UBA6: variants seen among roughly 807,000 people sequenced by gnomAD.
UBA6 encodes ubiquitin like modifier activating enzyme 6, also known as ubiquitin-like modifier-activating enzyme 6.
Under a neutral mutation model 148.3 loss-of-function variants are expected in UBA6, and 87 were observed. The ratio of observed to expected loss-of-function variants is 0.59; its 90% CI spans 0.49 to 0.70. UBA6 has a LOEUF of 0.70. Among genes scored for constraint, UBA6 ranks in the 30% least tolerant of loss-of-function variants. The probability of loss-of-function intolerance (pLI) is 0.00; values close to 1 mark genes in which losing one functional copy is unlikely to be tolerated. For synonymous variants in UBA6, 376 were observed against 401.0 expected (o/e 0.94, Z 0.75); for missense variants, 1,186 against 1,241.2 (o/e 0.96, Z 0.67).
intron 17 of UBA6, among the ~76,000 whole-genome samples, chr4:67,642,248 C>G (rs902943315): frequency 5.9e-5 from 9 of 152,058 alleles, no homozygotes; most frequent in Non-Finnish European, 1.3e-4. Context: ...ACTCCCCAAA[C>G]TGGTTTAGAA....
At chr4:67,649,311 A>G in intron 13 of UBA6, 100 bp from the exon 14 acceptor site, 3 of 1,211,216 alleles carry the variant, frequency 2.5e-6, no homozygotes, top group Non-Finnish European at 3.4e-6. Context: ...TAACTTCTAA[A>G]AAAGCTATTC....
chr4:67,622,310 C>G (rs1728769426), intron 32 of UBA6, among the ~76,000 whole-genome samples: 1 of 152,194 alleles, frequency 6.6e-6, no homozygotes, highest in South Asian at 2.1e-4. Flanking sequence ...TATAGCAACT[C>G]AACACCCCCA....
chr4:67,696,652 A>G lies in UBA6; in HGVS notation c.127T>C (p.Leu43=). 1 of 1,607,446 alleles carries G rather than the reference A, an allele frequency of 6.2e-7. No homozygotes were observed. The highest frequency in any genetic ancestry group is 8.5e-7 in the Non-Finnish European group (1 of 1,176,688). ...TTTCTATGAGATTCTTACCTATACA[A>G]TGCATCATCGATTTCCACAGATGCT... ...STASVEIDDA[L]YSRQRYVLGD... Residue 43 remains leucine, a synonymous_variant, in exon 2 of 33, where the codon TTG becomes CTG. Transcript: ENST00000322244.
At chr4:67,670,658 G>C in intron 7 of UBA6, 66 bp from the exon 8 acceptor site, 1 of 1,216,308 alleles carries the variant, frequency 8.2e-7, no homozygotes. Context: ...AGTATCTTAG[G>C]CCATTTCATA....
chr4:67,673,787 AAAC>A lies in UBA6; in HGVS notation c.466-13_466-11del. On this transcript the variant is annotated splice_polypyrimidine_tract_variant and intron_variant, in intron 6 of 32. Coordinates refer to ENST00000322244, the MANE Select transcript of UBA6 (RefSeq NM_018227.6). ...CAGTCAATACTACACACTGTTGAGAAAACAACAAATTAAAAACTAGAAAATACA... is the reference window on the plus strand; with the variant it reads ...CAGTCAATACTACACACTGTTGAGAAAACAAATTAAAAACTAGAAAATACA... 1 of 1,578,652 alleles carries A rather than the reference AAAC, an allele frequency of 6.3e-7. No homozygotes were observed. Among genetic ancestry groups the A allele is most frequent in the Non-Finnish European group, 8.6e-7 (1 of 1,157,324 alleles).
At position 67,618,580 on chromosome 4, in the gene UBA6, T is replaced by A. The variant is rs988579619; in HGVS notation, c.*417A>T. The A allele has an allele frequency of 2.0e-5, 3 of 153,718 alleles. No individual in the cohort carries two copies. Among genetic ancestry groups the A allele is most frequent in the African/African-American group, 7.2e-5 (3 of 41,486 alleles). The allele number at this position is 153,718 out of a possible 1,614,324, so 9.5% of individuals were successfully genotyped here. A position where few individuals can be genotyped will look rare whatever the true frequency, so the allele number is the denominator to read the frequency against. Reference sequence around the variant, plus strand: ...TGCAGGATGCCAAACACTATTTGCATAGAAAATCAGTCTTCAAGACTAAAC... The same window carrying A: ...TGCAGGATGCCAAACACTATTTGCAAAGAAAATCAGTCTTCAAGACTAAAC... On this transcript the variant is annotated 3_prime_UTR_variant, in exon 33 of 33. Coordinates refer to ENST00000322244, the MANE Select transcript of UBA6 (RefSeq NM_018227.6).
At chr4:67,685,281 T>C (rs963322236) in intron 2 of UBA6, among the ~76,000 whole-genome samples, 6 of 152,222 alleles carry the variant, frequency 3.9e-5, no homozygotes, top group African/African-American at 1.4e-4. Flanking sequence ...CTAAGAAAGA[T>C]AAATGATCTT....
chr4:67,700,019 G>T (rs1413333138), intron 1 of UBA6, among the ~76,000 whole-genome samples: 2 of 152,204 alleles, frequency 1.3e-5, no homozygotes, highest in Non-Finnish European at 2.9e-5. Context: ...ATAAAAACGA[G>T]AACAGCTGCA....
intron 14 of UBA6, among the ~76,000 whole-genome samples, chr4:67,648,276 G>T (rs1729468802): frequency 6.6e-6 from 1 of 151,322 alleles, no homozygotes; most frequent in Non-Finnish European, 1.5e-5. Flanking sequence ...AGACCAGTCT[G>T]GCCAACATAA....
rs745958725 is a variant in UBA6 at position 67,645,966 on chromosome 4, TG to T, written c.1366del (p.Gln456ArgfsTer6). 6.2e-7 allele frequency: 1 copy of T among 1,600,676 alleles called. No individual in the cohort carries two copies. The highest frequency in any genetic ancestry group is 1.1e-5 in the South Asian group (1 of 89,004). The stretch of plus-strand genomic sequence containing the variant: ...GAAGATGTTTAAATTTTGCAGTTTC[TG>T]ACACAAAGTGTCTCCAATGCAAGCT... ...LRACIGDTLC[Q>X]KLQNLNIFLV... On this transcript the variant is annotated frameshift_variant, in exon 16 of 33. Transcript: ENST00000322244. LOFTEE classifies it high-confidence loss of function.
At chr4:67,681,965 C>T (rs1324606334) in intron 3 of UBA6, among the ~76,000 whole-genome samples, 154 bp downstream of exon 3, 2 of 152,110 alleles carry the variant, frequency 1.3e-5, no homozygotes, top group Non-Finnish European at 2.9e-5. Flanking sequence ...AATATAACAT[C>T]ACGAAATAGT....
chr4:67,694,868 A>T (rs1433483200), intron 2 of UBA6, among the ~76,000 whole-genome samples: 1 of 152,222 alleles, frequency 6.6e-6, no homozygotes, highest in Non-Finnish European at 1.5e-5. Flanking sequence ...AAACAACTAG[A>T]TGTTTGCAAT....
chr4:67,621,548 A>T (rs1193466614), intron 32 of UBA6, among the ~76,000 whole-genome samples: 2 of 152,238 alleles, frequency 1.3e-5, no homozygotes, highest in East Asian at 3.8e-4. Context: ...CACGCCTGTA[A>T]TCCCAGCACT....
At chr4:67,642,658 T>C (rs992075281) in intron 17 of UBA6, among the ~76,000 whole-genome samples, 1 of 152,118 alleles carries the variant, frequency 6.6e-6, no homozygotes, top group Admixed American at 6.5e-5. Flanking sequence ...ACTATGAAGA[T>C]ATGCTTCCAT....
At chr4:67,626,521 G>C in intron 27 of UBA6, 44 bp from the exon 28 acceptor site, 1 of 1,229,554 alleles carries the variant, frequency 8.1e-7, no homozygotes, top group Non-Finnish European at 1.2e-6. Context: ...ATCATTTCCT[G>C]CATCTGTTTG....
At chr4:67,637,552 G>T (rs919580459) in intron 19 of UBA6, among the ~76,000 whole-genome samples, 2 of 152,196 alleles carry the variant, frequency 1.3e-5, no homozygotes, top group African/African-American at 2.4e-5. Flanking sequence ...TGTGTAGAAA[G>T]AAGTAGACAT....
chr4:67,696,859 GAAATT>G, intron 1 of UBA6, 152 bp from the exon 2 acceptor site: 3 of 601,010 alleles, frequency 5.0e-6, no homozygotes, highest in Non-Finnish European at 8.8e-6. Flanking sequence ...TAAATGGCCT[GAAATT>G]AAATTATCGG....
At chr4:67,663,037 G>C in intron 12 of UBA6, 102 bp downstream of exon 12, 2 of 724,820 alleles carry the variant, frequency 2.8e-6, no homozygotes, top group South Asian at 4.2e-5. Flanking sequence ...TATATCTATT[G>C]GTATTGTAAT....
intron 13 of UBA6, among the ~76,000 whole-genome samples, chr4:67,655,073 C>A (rs1223351904): frequency 6.6e-6 from 1 of 152,176 alleles, no homozygotes; most frequent in Non-Finnish European, 1.5e-5. Flanking sequence ...AAGACTTAGA[C>A]TCCCACACAA....
Sources: allele counts gnomAD v4.1 joint callset (sites outside exome capture counted in the v4.1 genomes callset), GRCh38; gene constraint gnomAD v4.1.1; transcripts MANE v1.5; gene names NCBI Gene and HGNC (gene_info 2026-07-23, HGNC 2026-07-21).